Variants in LYPD6 observed in about 807,000 individuals in gnomAD.
The protein encoded by LYPD6 is LY6/PLAUR domain containing 6, also known as ly6/PLAUR domain-containing protein 6.
LYPD6 carries 15 observed loss-of-function variants against 22.7 expected under a neutral mutation model. The ratio of observed to expected loss-of-function variants is 0.66; its 90% confidence interval spans 0.44 to 1.02. The LOEUF (loss-of-function observed/expected upper bound fraction) is 1.02. Among genes scored for constraint, LYPD6 ranks in the 50% least tolerant of loss-of-function variants. LYPD6 has a pLI of 0.00. For missense variants in LYPD6, 189 were observed against 208.4 expected, an observed-to-expected ratio of 0.91 and a Z score of 0.57; for synonymous variants, 72 against 77.5, an observed-to-expected ratio of 0.93 and a Z score of 0.37.
chr2:149,359,800 A>T (rs1028609547), intron 1 of LYPD6, among the ~76,000 whole-genome samples: 1 of 152,100 alleles, frequency 6.6e-6, no homozygotes, highest in Non-Finnish European at 1.5e-5. Context: ...TCCCTCTATT[A>T]CTAGAAAGGG....
chr2:149,354,663 C>G (rs747306942), intron 1 of LYPD6, among the ~76,000 whole-genome samples: 1 of 152,130 alleles, frequency 6.6e-6, no homozygotes, highest in African/African-American at 2.4e-5. Flanking sequence ...AACCATGAGA[C>G]GAGTCCATCA....
intron 1 of LYPD6, among the ~76,000 whole-genome samples, chr2:149,386,434 A>G (rs1383886558): frequency 6.6e-6 from 1 of 152,190 alleles, no homozygotes; most frequent in Non-Finnish European, 1.5e-5. Flanking sequence ...TTCTCTCCAC[A>G]GTAAGCCTGT....
intron 2 of LYPD6, among the ~76,000 whole-genome samples, chr2:149,438,850 A>G (rs1442802381): frequency 6.6e-6 from 1 of 152,250 alleles, no homozygotes; most frequent in African/African-American, 2.4e-5. Flanking sequence ...GTCAGCAACT[A>G]GCTCAGCTGC....
At chr2:149,384,714 AT>A (rs535578462) in intron 1 of LYPD6, among the ~76,000 whole-genome samples, 14 of 151,876 alleles carry the variant, frequency 9.2e-5, no homozygotes, top group Admixed American at 6.6e-4. Flanking sequence ...CTGTTTTTAA[AT>A]TTTTTTTATT....
rs565854862 is a variant in LYPD6, at chr2:149,345,611, G to A, written c.-72+14889G>A. 1.6e-4 allele frequency among the ~76,000 whole-genome samples: 24 copies of A among 151,716 alleles called. No homozygotes were observed. The South Asian group carries it at 4.2e-3, about 26-fold the overall frequency. ...ATTACAGGTGGGAGCCAACGCACCC[G>A]GCCTTAATTTAAATTTTTAAGAATA... On this transcript the variant is annotated intron_variant, in intron 1 of 4. Transcript: ENST00000334166.
In LYPD6 at chr2:149,413,252, C is replaced by T. The variant is rs181038744; in HGVS notation, c.-71-24386C>T. On this transcript the variant is annotated intron_variant, in intron 1 of 4. Coordinates refer to ENST00000334166, the MANE Select transcript of LYPD6 (RefSeq NM_194317.5). ...CATCCGGCCAGGCAGCTGTTCCTTG[C>T]CCAGGAGAGACTAAGATGGGGGAAA... Among the ~76,000 whole-genome samples the T allele has an allele frequency of 6.4e-3, 980 of 152,234 alleles. 6 individuals are homozygous for T. Among genetic ancestry groups the T allele is most frequent in the Middle Eastern group, 0.014 (4 of 294 alleles).
At chr2:149,449,408 C>T (rs1194072124) in intron 3 of LYPD6, among the ~76,000 whole-genome samples, 19 of 152,160 alleles carry the variant, frequency 1.2e-4, no homozygotes, top group Admixed American at 1.1e-3. Context: ...CCCCCGGGCC[C>T]AGTCAAATGT....
At chr2:149,346,072 C>A (rs928632278) in intron 1 of LYPD6, among the ~76,000 whole-genome samples, 2 of 152,182 alleles carry the variant, frequency 1.3e-5, no homozygotes, top group African/African-American at 4.8e-5. Flanking sequence ...CCTACTTGAT[C>A]AGTGTTTCTT....
intron 1 of LYPD6, among the ~76,000 whole-genome samples, chr2:149,391,446 C>T (rs1682307986): frequency 6.6e-6 from 1 of 151,878 alleles, no homozygotes; most frequent in Non-Finnish European, 1.5e-5. Context: ...TGTGGATCTT[C>T]ATATGCTTGT....
chr2:149,424,903 G>A (rs1415721870), intron 1 of LYPD6, among the ~76,000 whole-genome samples: 3 of 152,126 alleles, frequency 2.0e-5, no homozygotes, highest in Non-Finnish European at 4.4e-5. Context: ...GTTCGTCTTA[G>A]GGTTGTTTTG....
At chr2:149,403,911 A>G (rs181266762) in intron 1 of LYPD6, among the ~76,000 whole-genome samples, 2 of 152,288 alleles carry the variant, frequency 1.3e-5, no homozygotes, top group African/African-American at 4.8e-5. Flanking sequence ...ATTTTTGTAT[A>G]AAGTGTAAGG....
intron 1 of LYPD6, among the ~76,000 whole-genome samples, chr2:149,358,537 G>A (rs1182398394): frequency 2.0e-5 from 3 of 152,166 alleles, no homozygotes; most frequent in Non-Finnish European, 4.4e-5. Flanking sequence ...GCATAAAGCG[G>A]CATGGGCAAT....
At chr2:149,400,739 A>G (rs1682536357) in intron 1 of LYPD6, among the ~76,000 whole-genome samples, 1 of 152,244 alleles carries the variant, frequency 6.6e-6, no homozygotes, top group South Asian at 2.1e-4. Context: ...GTTTGCTTTC[A>G]GTTATCTAAA....
rs540790348 is a variant in LYPD6 at position 149,468,868 on chromosome 2, C to G, written c.348+93C>G. ...ACTCATGAGCAGATTCTTACTCCCC[C>G]GTGAAGGCTGTCTTTTGATTGTCTT... On this transcript the variant is annotated intron_variant, in intron 4 of 4. Transcript: ENST00000334166. The G allele has an allele frequency of 1.2e-4, 165 of 1,327,790 alleles. 2 individuals are homozygous for G. The South Asian group carries it at 1.9e-3, about 15-fold the overall frequency. 82.3% of individuals were successfully genotyped at this position (1,327,790 alleles called of 1,614,324 possible). A position where few individuals can be genotyped will look rare whatever the true frequency, so the allele number is the denominator to read the frequency against.
At chr2:149,397,811 T>C (rs1174301616) in intron 1 of LYPD6, among the ~76,000 whole-genome samples, 2 of 152,254 alleles carry the variant, frequency 1.3e-5, no homozygotes, top group Non-Finnish European at 1.5e-5. Flanking sequence ...CAAGCTGTTA[T>C]TTTTATCTAG....
chr2:149,358,369 C>T (rs544486318), intron 1 of LYPD6, among the ~76,000 whole-genome samples: 19 of 152,242 alleles, frequency 1.2e-4, no homozygotes, highest in Admixed American at 5.2e-4. Flanking sequence ...GAAATCATGA[C>T]GTAAAGTACA....
intron 1 of LYPD6, among the ~76,000 whole-genome samples, chr2:149,426,815 G>A (rs1683197914): frequency 6.6e-6 from 1 of 152,164 alleles, no homozygotes; most frequent in South Asian, 2.1e-4. Flanking sequence ...ATGTGGGTAA[G>A]CAGGGCAGTG....
At chr2:149,468,157 AC>A (rs1311839059) in intron 3 of LYPD6, among the ~76,000 whole-genome samples, 1 of 142,722 alleles carries the variant, frequency 7.0e-6, no homozygotes, top group Non-Finnish European at 1.5e-5. Flanking sequence ...ACACACACAC[AC>A]ACACACACAC....
chr2:149,483,071 A>G, the LYPD6 span, among the ~76,000 whole-genome samples: 1,104 of 152,276 alleles, frequency 7.2e-3, 9 homozygotes, highest in African/African-American at 0.025. Flanking sequence ...TCAAGATTGC[A>G]TCTGTCATGG....
Sources: allele counts gnomAD v4.1 joint callset (sites outside exome capture counted in the v4.1 genomes callset), GRCh38; gene constraint gnomAD v4.1.1; transcripts MANE v1.5; gene names NCBI Gene and HGNC (gene_info 2026-07-23, HGNC 2026-07-21).